WWOX: variants seen among roughly 807,000 people sequenced by gnomAD.
WWOX encodes WW domain-containing oxidoreductase.
A neutral mutation model predicts 46.2 loss-of-function variants in WWOX; 69 were observed. The observed-to-expected ratio is 1.49, with a 90% CI of 1.23 to 1.82. The LOEUF (loss-of-function observed/expected upper bound fraction) is 1.82. Among genes scored for constraint, WWOX ranks in the 40% most tolerant of loss-of-function variants. The pLI, the probability that WWOX is intolerant of heterozygous loss-of-function variation, is 0.00. For missense variants in WWOX, 919 were observed against 542.6 expected (o/e 1.69, Z -6.89); for synonymous variants, 359 against 202.6 (o/e 1.77, Z -6.56).
rs79153258 is a variant in WWOX, at chr16:79,111,425, G to A, written c.1057-100183G>A. Among the ~76,000 whole-genome samples, 1,199 of 152,216 alleles carry A rather than the reference G, an allele frequency of 7.9e-3. 12 individuals carry two copies. Among genetic ancestry groups the A allele is most frequent in the African/African-American group, 0.027 (1,118 of 41,536 alleles). ...TTTTGCCTAATCGTTTACTGGTTTG[G>A]AGACACTGTTTTCTGTATTGTTTAG... On this transcript the variant is annotated intron_variant, in intron 8 of 8. Transcript: ENST00000566780.
chr16:78,644,624 G>C (rs1048393775), intron 8 of WWOX, among the ~76,000 whole-genome samples: 1 of 152,062 alleles, frequency 6.6e-6, no homozygotes, highest in Non-Finnish European at 1.5e-5. Context: ...ACCACGCCTG[G>C]CTAATTTTTT....
At chr16:78,707,894 C>A (rs546513417) in intron 8 of WWOX, among the ~76,000 whole-genome samples, 1 of 151,400 alleles carries the variant, frequency 6.6e-6, no homozygotes, top group Non-Finnish European at 1.5e-5. Flanking sequence ...AATAAAGTAT[C>A]TGTCCCCAAG....
At chr16:78,406,626 ATT>A (rs545938474) in intron 6 of WWOX, among the ~76,000 whole-genome samples, 15 of 129,330 alleles carry the variant, frequency 1.2e-4, no homozygotes, top group Admixed American at 2.4e-4. Context: ...TGGGATATAC[ATT>A]TTTTTTTTTT....
chr16:78,339,649 G>A (rs1254648044), intron 5 of WWOX, among the ~76,000 whole-genome samples: 2 of 119,198 alleles, frequency 1.7e-5, no homozygotes, highest in African/African-American at 5.7e-5. Flanking sequence ...TGTATTTCAG[G>A]TTTCAAAATG....
At chr16:78,287,771 C>G (rs1220083558) in intron 5 of WWOX, among the ~76,000 whole-genome samples, 1 of 152,078 alleles carries the variant, frequency 6.6e-6, no homozygotes, top group Non-Finnish European at 1.5e-5. Context: ...TTTCACTAGG[C>G]TTCTAATTTT....
At chr16:78,604,660 T>G (rs1327404887) in intron 8 of WWOX, among the ~76,000 whole-genome samples, 2 of 134,668 alleles carry the variant, frequency 1.5e-5, no homozygotes, top group Non-Finnish European at 3.2e-5. Context: ...AAAGATTCCT[T>G]CCTTCCTTCC....
rs528983577 is a variant in WWOX, at chr16:78,630,692, A to G, written c.1056+197940A>G. On this transcript the variant is annotated intron_variant, in intron 8 of 8. Coordinates refer to ENST00000566780, the MANE Select transcript of WWOX (RefSeq NM_016373.4). The stretch of plus-strand genomic sequence containing the variant: ...TTTTGCCTTGCATCCTTTTGCTGTG[A>G]TAAATCTCAGCCATGAGTGTGACCG... Among the ~76,000 whole-genome samples, 5 of 152,316 alleles carry G rather than the reference A, an allele frequency of 3.3e-5. No homozygotes were observed. In the South Asian group the frequency reaches 6.2e-4, roughly 19 times the overall value.
intron 8 of WWOX, among the ~76,000 whole-genome samples, chr16:79,186,149 G>C (rs2051010316): frequency 6.6e-6 from 1 of 152,126 alleles, no homozygotes; most frequent in South Asian, 2.1e-4. Context: ...GATACATCCA[G>C]GACTGTGCTG....
At chr16:78,355,508 C>A (rs1052496580) in intron 5 of WWOX, 4 of 366,990 alleles carry the variant, frequency 1.1e-5, no homozygotes, top group South Asian at 2.6e-5. Flanking sequence ...AGGCTGAGAC[C>A]GAAGAATTAC....
chr16:78,610,880 C>G (rs528292607), intron 8 of WWOX, among the ~76,000 whole-genome samples: 2 of 151,982 alleles, frequency 1.3e-5, no homozygotes, highest in South Asian at 2.1e-4. Context: ...CGTATTCTTG[C>G]AATTAATGAC....
intron 8 of WWOX, among the ~76,000 whole-genome samples, chr16:78,984,549 G>A (rs1378903673): frequency 6.6e-6 from 1 of 152,206 alleles, no homozygotes; most frequent in African/African-American, 2.4e-5. Context: ...CCTGTGGGAT[G>A]ACTCACATGA....
chr16:78,629,584 G>C (rs2046381553), intron 8 of WWOX, among the ~76,000 whole-genome samples: 1 of 152,152 alleles, frequency 6.6e-6, no homozygotes, highest in Non-Finnish European at 1.5e-5. Flanking sequence ...CAAGACCCCT[G>C]CCAACCTCTG....
chr16:79,130,527 T>C (rs1293791386), intron 8 of WWOX, among the ~76,000 whole-genome samples: 1 of 152,164 alleles, frequency 6.6e-6, no homozygotes, highest in Non-Finnish European at 1.5e-5. Context: ...AGATCAGGAC[T>C]CAAGGACTGT....
chr16:79,124,910 T>C (rs141319279), intron 8 of WWOX, among the ~76,000 whole-genome samples: 2 of 152,168 alleles, frequency 1.3e-5, no homozygotes, highest in South Asian at 4.1e-4. Flanking sequence ...TAAGGTGGTA[T>C]TACTGTCCTC....
chr16:78,357,036 A>G (rs1219438793), intron 5 of WWOX, among the ~76,000 whole-genome samples: 1 of 152,194 alleles, frequency 6.6e-6, no homozygotes, highest in Non-Finnish European at 1.5e-5. Flanking sequence ...ACATCCATTT[A>G]TCAAGATACA....
chr16:78,375,576 T>C (rs935889302), intron 5 of WWOX, among the ~76,000 whole-genome samples: 1 of 152,234 alleles, frequency 6.6e-6, no homozygotes, highest in Admixed American at 6.5e-5. Context: ...ATTGGTTGTT[T>C]TGCTTTTCTT....
chr16:78,860,707 C>A (rs528364866), intron 8 of WWOX, among the ~76,000 whole-genome samples: 3 of 152,332 alleles, frequency 2.0e-5, no homozygotes, highest in South Asian at 4.1e-4. Flanking sequence ...GTGCCAACAT[C>A]CGCTTTAGTG....
chr16:79,041,470 TCA>T (rs2047970005), intron 8 of WWOX, among the ~76,000 whole-genome samples: 1 of 152,170 alleles, frequency 6.6e-6, no homozygotes, highest in Admixed American at 6.5e-5. Context: ...TTCCAGTTTC[TCA>T]TTAGGAACCT....
chr16:79,007,106 G>T (rs1408415398), intron 8 of WWOX, among the ~76,000 whole-genome samples: 1 of 152,142 alleles, frequency 6.6e-6, no homozygotes, highest in Non-Finnish European at 1.5e-5. Flanking sequence ...AAGCAGAGAG[G>T]TCACAATAGC....
Sources: allele counts gnomAD v4.1 joint callset (sites outside exome capture counted in the v4.1 genomes callset), GRCh38; gene constraint gnomAD v4.1.1; transcripts MANE v1.5; gene names NCBI Gene and HGNC (gene_info 2026-07-23, HGNC 2026-07-21).